The following RELL2 variants were observed in gnomAD, a reference collection of about 807,000 sequenced individuals.
RELL2 encodes the protein RELT like 2.
Under a neutral mutation model 27.5 loss-of-function variants are expected in RELL2, and 18 were observed. The ratio of observed to expected loss-of-function variants is 0.65; its 90% CI spans 0.45 to 0.97. The LOEUF (loss-of-function observed/expected upper bound fraction) is 0.97. RELL2 is among the 50% of genes least tolerant of loss of function. The pLI is 0.00. For missense variants in RELL2, 370 were observed against 397.5 expected, an observed-to-expected ratio of 0.93 and a Z score of 0.59; for synonymous variants, 156 against 147.5, an observed-to-expected ratio of 1.06 and a Z score of -0.42.
Position 141,639,365 on chromosome 5 carries a change from G to A in RELL2, c.318-99G>A, listed in dbSNP as rs867854274. 7.2e-6 allele frequency: 7 copies of A among 970,496 alleles called. No homozygotes were observed. Among genetic ancestry groups the A allele is most frequent in the Middle Eastern group, 4.4e-4 (2 of 4,542 alleles). The allele number at this position is 970,496 out of a possible 1,614,324, so 60.1% of individuals were successfully genotyped here. A position where few individuals can be genotyped will look rare whatever the true frequency, so the allele number is the denominator to read the frequency against. ...AAAAATGGGGCTTGGGGAAATTGGG[G>A]CTTCTGGGGTTTTAAGGAGCATGCT... On this transcript the variant is annotated intron_variant, in intron 3 of 6. Transcript: ENST00000297164. The surrounding 1 kb of genome is among the most constrained non-coding windows in gnomAD (Gnocchi z 4.4).
At position 141,639,062 on chromosome 5, in the gene RELL2, G is replaced by T; in HGVS notation, c.317+41G>T. ...GGGCCAGCATGACTTAGCTTGCCTT[G>T]GAGAGTATCCTCTCCTCCAGCACAA... On this transcript the variant is annotated intron_variant, in intron 3 of 6. Coordinates refer to ENST00000297164, the MANE Select transcript of RELL2 (RefSeq NM_173828.5). The surrounding 1 kb of genome is among the most constrained non-coding windows in gnomAD (Gnocchi z 4.4). 1 of 1,559,434 alleles carries T rather than the reference G, an allele frequency of 6.4e-7. No individual in the cohort carries two copies. Among genetic ancestry groups the T allele is most frequent in the South Asian group, 1.1e-5 (1 of 88,336 alleles).
chr5:141,640,897 C>A lies in RELL2; in HGVS notation c.*228C>A, dbSNP rs778650886. ...GCTGCCTGCCCCGCCTTCCCCAACA[C>A]CTCGCTCCATATGATAGAGCGTGGC... On this transcript the variant is annotated 3_prime_UTR_variant, in exon 7 of 7. Coordinates refer to ENST00000297164, the MANE Select transcript of RELL2 (RefSeq NM_173828.5). The A allele has an allele frequency of 6.9e-6, 4 of 582,336 alleles. No individual in the cohort carries two copies. The highest frequency in any genetic ancestry group is 9.1e-6 in the Non-Finnish European group (3 of 328,748). The allele number at this position is 582,336 out of a possible 1,614,324, so 36.1% of individuals were successfully genotyped here. A position where few individuals can be genotyped will look rare whatever the true frequency, so the allele number is the denominator to read the frequency against.
rs1445500158 is a variant in RELL2, at chr5:141,638,821, A to G, written c.211A>G (p.Thr71Ala). 6.2e-7 allele frequency: 1 copy of G among 1,614,204 alleles called. No individual in the cohort carries two copies. Among genetic ancestry groups the G allele is most frequent in the Non-Finnish European group, 8.5e-7 (1 of 1,180,000 alleles). The stretch of plus-strand genomic sequence containing the variant: ...TGAGGACGATGACATGAATGAGGAC[A>G]CAGTAGAGAGGATTGTTCGCTGCAT... ...PPEDDDMNED[T>A]VERIVRCIIQ... Residue 71 changes from threonine to alanine, a missense_variant, in exon 2 of 7, where the codon ACA (threonine) becomes GCA (alanine). Physicochemically the swap from Thr to Ala is moderately conservative, Grantham distance 58. Coordinates refer to ENST00000297164, the MANE Select transcript of RELL2 (RefSeq NM_173828.5).
At position 141,640,908 on chromosome 5, in the gene RELL2, A is replaced by G. The variant is rs985318706; in HGVS notation, c.*239A>G. The G allele has an allele frequency of 1.3e-5, 7 of 550,200 alleles. No individual in the cohort carries two copies. Among genetic ancestry groups the G allele is most frequent in the Admixed American group, 3.3e-5 (1 of 30,320 alleles). The allele number at this position is 550,200 out of a possible 1,614,324, so 34.1% of individuals were successfully genotyped here. A position where few individuals can be genotyped will look rare whatever the true frequency, so the allele number is the denominator to read the frequency against. On this transcript the variant is annotated 3_prime_UTR_variant, in exon 7 of 7. Coordinates refer to ENST00000297164, the MANE Select transcript of RELL2 (RefSeq NM_173828.5). ...CGCCTTCCCCAACACCTCGCTCCAT[A>G]TGATAGAGCGTGGCAGCTGGGAGCA...
Position 141,637,391 on chromosome 5 carries a change from C to G in RELL2, c.-835C>G, listed in dbSNP as rs568895366. ...GGCGCAGTCACGCGCGCGCAGAGCTCACGCTCTCCGCCCCGCACACCTGCG... is the reference window on the plus strand; with the variant it reads ...GGCGCAGTCACGCGCGCGCAGAGCTGACGCTCTCCGCCCCGCACACCTGCG... On this transcript the variant is annotated 5_prime_UTR_variant, in exon 1 of 7. Transcript: ENST00000297164. The G allele has an allele frequency of 6.6e-6, 1 of 152,322 alleles. No individual in the cohort carries two copies. Among genetic ancestry groups the G allele is most frequent in the Non-Finnish European group, 1.5e-5 (1 of 68,156 alleles). 9.4% of individuals were successfully genotyped at this position (152,322 alleles called of 1,614,324 possible).
chr5:141,638,119 T>A lies in RELL2; in HGVS notation c.-107T>A, dbSNP rs2099906347. ...GGACCTCAGCCGGACGTCTTAGACG[T>A]GCTTGTTTCAGATCCTGAGGACGGC... On this transcript the variant is annotated 5_prime_UTR_variant, in exon 1 of 7. Transcript: ENST00000297164. 3 of 737,530 alleles carry A rather than the reference T, an allele frequency of 4.1e-6. No homozygotes were observed. The South Asian group carries it at 5.0e-5, about 12-fold the overall frequency. The allele number at this position is 737,530 out of a possible 1,614,324, so 45.7% of individuals were successfully genotyped here.
At position 141,639,897 on chromosome 5, in the gene RELL2, C is replaced by T. The variant is rs2099906639; in HGVS notation, c.504-23C>T. The T allele has an allele frequency of 6.2e-7, 1 of 1,613,044 alleles. No individual in the cohort carries two copies. Among genetic ancestry groups the T allele is most frequent in the Non-Finnish European group, 8.5e-7 (1 of 1,179,622 alleles). On this transcript the variant is annotated intron_variant, in intron 4 of 6. Coordinates refer to ENST00000297164, the MANE Select transcript of RELL2 (RefSeq NM_173828.5). This position sits in a 1 kb window ranked among gnomAD's most constrained non-coding sequence, Gnocchi z 4.4. Reference sequence around the variant, plus strand: ...CAGCCTCTGAGTTGTGGTCCTAAACCCCAGTGTTCCCTCCCCTCCCAGGTT... The same window carrying T: ...CAGCCTCTGAGTTGTGGTCCTAAACTCCAGTGTTCCCTCCCCTCCCAGGTT...
rs2154598202 is a variant in RELL2, at chr5:141,639,013, G to A, written c.309G>A (p.Gln103=). The A allele has an allele frequency of 1.2e-6, 2 of 1,613,220 alleles. No homozygotes were observed. Among genetic ancestry groups the A allele is most frequent in the Middle Eastern group, 1.7e-4 (1 of 5,918 alleles). ...ACAGTGAAGGAGAAGGGACAGTGCA[G>A]CTGTCCAGGTGAGCTGGAAACAAGG... The part of the protein sequence containing the change: ...LGDSEGEGTV[Q]LSSVDATSSL... The change falls in exon 3 of 7, where the codon CAG becomes CAA. Residue 103 remains glutamine, a synonymous_variant. Coordinates refer to ENST00000297164, the MANE Select transcript of RELL2 (RefSeq NM_173828.5). The surrounding 1 kb of genome is among the most constrained non-coding windows in gnomAD (Gnocchi z 4.4).
chr5:141,637,686 AG>A lies in RELL2; in HGVS notation c.-538del, dbSNP rs1316374158. ...GGCGTCGGGGGCCCTGAGCCGCACT[AG>A]GACGCCCCTGGAGCCGGAACCCCAG... On this transcript the variant is annotated 5_prime_UTR_variant, in exon 1 of 7. The change abolishes the stop of an existing upstream ORF in the 5' untranslated region. Transcript: ENST00000297164. 6.5e-6 allele frequency: 1 copy of A among 152,914 alleles called. No individual in the cohort carries two copies. Among genetic ancestry groups the A allele is most frequent in the Non-Finnish European group, 1.5e-5 (1 of 68,566 alleles). The allele number at this position is 152,914 out of a possible 1,614,324, so 9.5% of individuals were successfully genotyped here. A position where few individuals can be genotyped will look rare whatever the true frequency, so the allele number is the denominator to read the frequency against.
chr5:141,637,457 T>C lies in RELL2; in HGVS notation c.-769T>C, dbSNP rs1191774837. The C allele has an allele frequency of 6.6e-6, 1 of 152,374 alleles. No individual in the cohort carries two copies. Among genetic ancestry groups the C allele is most frequent in the African/African-American group, 2.4e-5 (1 of 41,468 alleles). The allele number at this position is 152,374 out of a possible 1,614,324, so 9.4% of individuals were successfully genotyped here. On this transcript the variant is annotated 5_prime_UTR_variant, in exon 1 of 7. Transcript: ENST00000297164. ...CTGGGCCCGCGACGGGTGAAGGCAT[T>C]TGGGAAGCCAGGGCGGCTGCGGAGG...
chr5:141,638,207 G>C lies in RELL2; in HGVS notation c.-19G>C, dbSNP rs201225885. On this transcript the variant is annotated 5_prime_UTR_variant, in exon 1 of 7. Transcript: ENST00000297164. Reference sequence around the variant, plus strand: ...AAACCCAGGAGGCGCCCTGGCCCGCGCTCGCCCCCCAGGGCCTCATGTCGG... The same window carrying C: ...AAACCCAGGAGGCGCCCTGGCCCGCCCTCGCCCCCCAGGGCCTCATGTCGG... 6.3e-6 allele frequency: 10 copies of C among 1,598,096 alleles called. No individual in the cohort carries two copies. The highest frequency in any genetic ancestry group is 8.5e-6 in the Non-Finnish European group (10 of 1,172,322).
Position 141,637,401 on chromosome 5 carries a change from GC to G in RELL2, c.-821del, listed in dbSNP as rs2099906210. ...CGCGCGCGCAGAGCTCACGCTCTCC[GC>G]CCCGCACACCTGCGCTCCGCCCCCT... is the stretch of plus-strand genomic sequence containing the variant. On this transcript the variant is annotated 5_prime_UTR_variant, in exon 1 of 7. Transcript: ENST00000297164. 1 of 152,274 alleles carries G rather than the reference GC, an allele frequency of 6.6e-6. No homozygotes were observed. Among genetic ancestry groups the G allele is most frequent in the Non-Finnish European group, 1.5e-5 (1 of 68,154 alleles). The allele number at this position is 152,274 out of a possible 1,614,324, so 9.4% of individuals were successfully genotyped here.
Position 141,639,966 on chromosome 5 carries a change from C to G in RELL2, c.550C>G (p.Arg184Gly). The change falls in exon 5 of 7, where the codon CGT becomes GGT. Residue 184 changes from arginine to glycine, a missense_variant. Transcript: ENST00000297164. This position sits in a 1 kb window ranked among gnomAD's most constrained non-coding sequence, Gnocchi z 4.4. The part of the protein sequence containing the change: ...IEKRYGLHEH[R>G]DGSPTDRSWG... ...GAAGCGCTATGGACTGCACGAACAC[C>G]GTGATGGCTCCCCCACAGACAGGAG... 1.9e-6 allele frequency: 3 copies of G among 1,613,972 alleles called. No homozygotes were observed. The highest frequency in any genetic ancestry group is 2.2e-5 in the East Asian group (1 of 44,878).
At chr5:141,638,455 C>T in intron 1 of RELL2, 46 bp downstream of exon 1, 1 of 1,526,906 alleles carries the variant, frequency 6.5e-7, no homozygotes, top group Non-Finnish European at 8.8e-7. Context: ...TTTCACCCTT[C>T]TCCCCACACC....
At position 141,639,662 on chromosome 5, in the gene RELL2, C is replaced by A; in HGVS notation, c.503+13C>A. ...TCTCTGTGGGCAGGTGGGGCAGGTG[C>A]TCCAGGGAAAGGGGGGCTGAGGTAG... On this transcript the variant is annotated intron_variant, in intron 4 of 6. Transcript: ENST00000297164. The surrounding 1 kb of genome is among the most constrained non-coding windows in gnomAD (Gnocchi z 4.4). 1 of 1,589,066 alleles carries A rather than the reference C, an allele frequency of 6.3e-7. No homozygotes were observed. The highest frequency in any genetic ancestry group is 1.1e-5 in the South Asian group (1 of 89,394).
chr5:141,640,869 C>T lies in RELL2; in HGVS notation c.*200C>T, dbSNP rs1267205813. On this transcript the variant is annotated 3_prime_UTR_variant, in exon 7 of 7. Transcript: ENST00000297164. ...TCTCTTCTCCTTCCCCTGCCTGCAA[C>T]AGGCTGCCTGCCCCGCCTTCCCCAA... is the stretch of plus-strand genomic sequence containing the variant. 1.5e-5 allele frequency: 9 copies of T among 593,078 alleles called. No individual in the cohort carries two copies. The highest frequency in any genetic ancestry group is 2.4e-5 in the Non-Finnish European group (8 of 337,414). 36.7% of individuals were successfully genotyped at this position (593,078 alleles called of 1,614,324 possible). A position where few individuals can be genotyped will look rare whatever the true frequency, so the allele number is the denominator to read the frequency against.
rs944302221 is a variant in RELL2 at position 141,639,867 on chromosome 5, C to T, written c.504-53C>T. ...GGATGTCCCTGGTCAGAGGGGAGGG[C>T]CAAGCAGCCTCTGAGTTGTGGTCCT... On this transcript the variant is annotated intron_variant, in intron 4 of 6. Coordinates refer to ENST00000297164, the MANE Select transcript of RELL2 (RefSeq NM_173828.5). The surrounding 1 kb of genome is among the most constrained non-coding windows in gnomAD (Gnocchi z 4.4). 59 of 1,582,852 alleles carry T rather than the reference C, an allele frequency of 3.7e-5. 1 individual carries two copies. Among genetic ancestry groups the T allele is most frequent in the Non-Finnish European group, 5.0e-5 (58 of 1,153,988 alleles).
chr5:141,637,735 ATCACCGGTACCGGG>A lies in RELL2; in HGVS notation c.-488_-475del, dbSNP rs1174016248. ...CAGCAGAAGCCGGAACCAGAACCAA[ATCACCGGTACCGGG>A]TCGGCCAGGTGGTCAGGGTGGGAGA... On this transcript the variant is annotated 5_prime_UTR_variant, in exon 1 of 7. An upstream open reading frame in the 5' UTR gains an earlier in-frame stop. Transcript: ENST00000297164. 1 of 153,996 alleles carries A rather than the reference ATCACCGGTACCGGG, an allele frequency of 6.5e-6. No individual in the cohort carries two copies. Among genetic ancestry groups the A allele is most frequent in the African/African-American group, 2.4e-5 (1 of 41,410 alleles). 9.5% of individuals were successfully genotyped at this position (153,996 alleles called of 1,614,324 possible). A position where few individuals can be genotyped will look rare whatever the true frequency, so the allele number is the denominator to read the frequency against.
rs1410552956 is a variant in RELL2 at position 141,639,396 on chromosome 5, A to T, written c.318-68A>T. ...GGGGTTTTAAGGAGCATGCTGAAAG[A>T]ACGTAAGAAACAAAACATGAAGGGA... is the stretch of plus-strand genomic sequence containing the variant. On this transcript the variant is annotated intron_variant, in intron 3 of 6. Coordinates refer to ENST00000297164, the MANE Select transcript of RELL2 (RefSeq NM_173828.5). This position sits in a 1 kb window ranked among gnomAD's most constrained non-coding sequence, Gnocchi z 4.4. The T allele has an allele frequency of 7.3e-7, 1 of 1,362,662 alleles. No homozygotes were observed. Among genetic ancestry groups the T allele is most frequent in the African/African-American group, 1.5e-5 (1 of 68,690 alleles). The allele number at this position is 1,362,662 out of a possible 1,614,324, so 84.4% of individuals were successfully genotyped here.
Sources: allele counts gnomAD v4.1 joint callset, GRCh38; gene constraint gnomAD v4.1.1; non-coding constraint Gnocchi (gnomAD v3.1); transcripts MANE v1.5; gene names NCBI Gene and HGNC (gene_info 2026-07-23, HGNC 2026-07-21).